UVRAG: variants seen among roughly 807,000 people sequenced by gnomAD.
The protein encoded by UVRAG is UV radiation resistance associated.
A neutral mutation model predicts 78.0 loss-of-function variants in UVRAG; 19 were observed. That is an observed-to-expected ratio of 0.24 (90% CI 0.17 to 0.36). UVRAG has a LOEUF of 0.36. Among genes scored for constraint, UVRAG ranks in the 10% least tolerant of loss-of-function variants. The probability of loss-of-function intolerance (pLI) is 1.00; values close to 1 mark genes in which losing one functional copy is unlikely to be tolerated. For synonymous variants in UVRAG, 323 were observed against 324.6 expected (o/e 1.00, Z 0.05); for missense variants, 740 against 853.8 (o/e 0.87, Z 1.66).
At chr11:76,080,776 A>G (rs957425679) in intron 13 of UVRAG, among the ~76,000 whole-genome samples, 3 of 152,190 alleles carry the variant, frequency 2.0e-5, no homozygotes, top group African/African-American at 7.2e-5. Context: ...TGACAAAATC[A>G]GTGTTATTTT....
chr11:75,919,887 C>T (rs551614722), intron 6 of UVRAG, among the ~76,000 whole-genome samples: 62 of 151,844 alleles, frequency 4.1e-4, no homozygotes, highest in African/African-American at 1.5e-3. Flanking sequence ...TCTATTATGC[C>T]ATGTTGGTGC....
At chr11:75,881,914 A>G (rs1006615663) in intron 4 of UVRAG, among the ~76,000 whole-genome samples, 17 of 152,234 alleles carry the variant, frequency 1.1e-4, no homozygotes, top group African/African-American at 3.9e-4. Context: ...AAATGATTCA[A>G]GATCACACAG....
In UVRAG at chr11:76,088,435, C is replaced by T. The variant is rs561243079; in HGVS notation, c.1305+22647C>T. 7.2e-4 allele frequency among the ~76,000 whole-genome samples: 109 copies of T among 152,134 alleles called. 1 individual carries two copies. Among genetic ancestry groups the T allele is most frequent in the Admixed American group, 5.7e-3 (87 of 15,276 alleles). ...CTTGTCATCGTTTTCCATAGGCTAC[C>T]TTCCCCCAAATCCCATCTTCTCCTA... On this transcript the variant is annotated intron_variant, in intron 13 of 14. Coordinates refer to ENST00000356136, the MANE Select transcript of UVRAG (RefSeq NM_003369.4).
At chr11:76,041,813 G>A (rs539931735) in intron 12 of UVRAG, among the ~76,000 whole-genome samples, 2 of 152,292 alleles carry the variant, frequency 1.3e-5, no homozygotes, top group Admixed American at 6.5e-5. Flanking sequence ...AAGATTAATA[G>A]CAATAATAGT....
At chr11:75,896,249 G>A (rs1947342741) in intron 5 of UVRAG, among the ~76,000 whole-genome samples, 1 of 152,156 alleles carries the variant, frequency 6.6e-6, no homozygotes, top group African/African-American at 2.4e-5. Context: ...GATTTCTACA[G>A]GGGTTTTCTA....
At chr11:75,977,526 A>G (rs1202696180) in intron 7 of UVRAG, among the ~76,000 whole-genome samples, 5 of 152,116 alleles carry the variant, frequency 3.3e-5, no homozygotes, top group Admixed American at 6.5e-5. Flanking sequence ...GTAGGTCTCT[A>G]AGGACTTGCT....
intron 12 of UVRAG, among the ~76,000 whole-genome samples, chr11:76,029,898 A>T (rs1390145375): frequency 6.6e-6 from 1 of 152,190 alleles, no homozygotes; most frequent in African/African-American, 2.4e-5. Flanking sequence ...AGCCACTCCA[A>T]CCTTCAGCAA....
At chr11:76,117,305 C>A (rs1002092347) in intron 14 of UVRAG, among the ~76,000 whole-genome samples, 2 of 152,166 alleles carry the variant, frequency 1.3e-5, no homozygotes, top group Non-Finnish European at 2.9e-5. Flanking sequence ...CTAAATGAAT[C>A]TTGCTCAGTA....
intron 6 of UVRAG, among the ~76,000 whole-genome samples, chr11:75,913,557 A>AT (rs1188738370): frequency 6.6e-6 from 1 of 152,168 alleles, no homozygotes; most frequent in Non-Finnish European, 1.5e-5. Flanking sequence ...GCATTTTCAC[A>AT]TTTTTTATCT....
In UVRAG at chr11:76,003,440, C is replaced by G. The variant is rs371858650; in HGVS notation, c.827-565C>G. Among the ~76,000 whole-genome samples the G allele has an allele frequency of 2.6e-4, 40 of 151,658 alleles. 1 individual carries two copies. In the South Asian group the frequency reaches 7.9e-3, roughly 30 times the overall value. ...TTCACCATGTTAGCCAGGCTGGTCT[C>G]GAACTCCTGACCTCAAGTGATCTGC... On this transcript the variant is annotated intron_variant, in intron 8 of 14. Coordinates refer to ENST00000356136, the MANE Select transcript of UVRAG (RefSeq NM_003369.4).
rs141933926 is a variant in UVRAG at position 75,865,707 on chromosome 11, C to T, written c.270+3927C>T. 2.2e-3 allele frequency among the ~76,000 whole-genome samples: 328 copies of T among 152,040 alleles called. 1 individual carries two copies. The highest frequency in any genetic ancestry group is 0.011 in the Admixed American group (172 of 15,268). The stretch of plus-strand genomic sequence containing the variant: ...TCGGCTCATTTTAACCTCCGCCTCC[C>T]GGGTTCAAATGATTCTCTTGCTTCA... On this transcript the variant is annotated intron_variant, in intron 3 of 14. Transcript: ENST00000356136.
intron 13 of UVRAG, among the ~76,000 whole-genome samples, chr11:76,104,322 C>A (rs553621023): frequency 6.6e-6 from 1 of 152,138 alleles, no homozygotes; most frequent in Non-Finnish European, 1.5e-5. Flanking sequence ...TAAGTGGTTA[C>A]GAGTTCAAAG....
chr11:75,840,725 G>A (rs1449477676), intron 1 of UVRAG, among the ~76,000 whole-genome samples: 1 of 152,152 alleles, frequency 6.6e-6, no homozygotes, highest in Middle Eastern at 3.2e-3. Context: ...AGAGATTAGG[G>A]TTGTTGGGTT....
chr11:75,996,553 T>A (rs1949711329), intron 8 of UVRAG, among the ~76,000 whole-genome samples: 1 of 152,080 alleles, frequency 6.6e-6, no homozygotes, highest in Admixed American at 6.6e-5. Context: ...GAATATATAG[T>A]ATTGTTCTAA....
chr11:76,016,021 G>A (rs1487674009), intron 11 of UVRAG, among the ~76,000 whole-genome samples: 1 of 152,188 alleles, frequency 6.6e-6, no homozygotes, highest in African/African-American at 2.4e-5. Context: ...ACTTTCTGTT[G>A]TATTACTCCC....
intron 5 of UVRAG, among the ~76,000 whole-genome samples, chr11:75,900,012 C>T (rs144527174): frequency 1.8e-4 from 28 of 152,334 alleles, no homozygotes; most frequent in Non-Finnish European, 3.5e-4. Context: ...CCCATTCTCT[C>T]TCTTCATTGA....
intron 6 of UVRAG, among the ~76,000 whole-genome samples, chr11:75,952,230 A>C (rs1232690141): frequency 6.6e-6 from 1 of 152,210 alleles, no homozygotes; most frequent in Non-Finnish European, 1.5e-5. Context: ...ACCTTTAAGT[A>C]GATTTGCTTC....
chr11:75,822,784 G>A (rs1387219959), intron 1 of UVRAG, among the ~76,000 whole-genome samples: 2 of 151,986 alleles, frequency 1.3e-5, no homozygotes, highest in African/African-American at 4.8e-5. Flanking sequence ...TCTCATGGCA[G>A]CTCCACCCTC....
chr11:75,993,363 G>A (rs1949648161), intron 8 of UVRAG, among the ~76,000 whole-genome samples: 4 of 152,124 alleles, frequency 2.6e-5, no homozygotes, highest in Non-Finnish European at 4.4e-5. Context: ...CAAAGGCAGT[G>A]GTTCTCAACT....
Sources: allele counts gnomAD v4.1 joint callset (sites outside exome capture counted in the v4.1 genomes callset), GRCh38; gene constraint gnomAD v4.1.1; transcripts MANE v1.5; gene names NCBI Gene and HGNC (gene_info 2026-07-23, HGNC 2026-07-21).